Variants in TTC28 observed in about 807,000 individuals in gnomAD.
TTC28 encodes the protein tetratricopeptide repeat protein 28.
TTC28 carries 61 observed loss-of-function variants against 198.0 expected under a neutral mutation model. The ratio of observed to expected loss-of-function variants is 0.31; its 90% confidence interval spans 0.25 to 0.38. The LOEUF is 0.38. Ranked by LOEUF, TTC28 falls within the 10% of genes least tolerant of loss-of-function variation. TTC28 has a pLI of 1.00. For missense variants in TTC28, 2,678 were observed against 3,164.0 expected, an observed-to-expected ratio of 0.85 and a Z score of 3.69; for synonymous variants, 1,171 against 1,297.8, an observed-to-expected ratio of 0.90 and a Z score of 2.10.
At chr22:28,315,392 C>G (rs1331069301) in intron 2 of TTC28, among the ~76,000 whole-genome samples, 1 of 152,024 alleles carries the variant, frequency 6.6e-6, no homozygotes, top group Admixed American at 6.6e-5. Context: ...GGGACAGGCC[C>G]TTGGAGCTAT....
chr22:28,456,161 A>G (rs939777022), intron 2 of TTC28, among the ~76,000 whole-genome samples: 33 of 117,464 alleles, frequency 2.8e-4, no homozygotes, highest in African/African-American at 9.0e-4. Flanking sequence ...TCTGTCTCAG[A>G]AAAAAAAAAA....
chr22:28,242,688 T>A (rs1569217152), intron 5 of TTC28, among the ~76,000 whole-genome samples: 1 of 152,180 alleles, frequency 6.6e-6, no homozygotes. Context: ...TATGTATATA[T>A]CTTTGTTATA....
chr22:28,333,963 T>C (rs1367578986), intron 2 of TTC28, among the ~76,000 whole-genome samples: 1 of 151,976 alleles, frequency 6.6e-6, no homozygotes, highest in East Asian at 1.9e-4. Flanking sequence ...AACTCTTCAT[T>C]TAATATTAGG....
chr22:28,331,688 G>C (rs1017182678), intron 2 of TTC28, among the ~76,000 whole-genome samples: 4 of 151,960 alleles, frequency 2.6e-5, no homozygotes, highest in African/African-American at 9.7e-5. Flanking sequence ...ATTAAACTCA[G>C]TGTCTTTCAA....
At chr22:28,150,961 T>C (rs1328615919) in intron 6 of TTC28, among the ~76,000 whole-genome samples, 1 of 152,220 alleles carries the variant, frequency 6.6e-6, no homozygotes, top group Non-Finnish European at 1.5e-5. Context: ...TCCAAAGTGA[T>C]CACTCAAATA....
At position 28,106,190 on chromosome 22, in the gene TTC28, C is replaced by T. The variant is rs1369387341; in HGVS notation, c.2784-388G>A. On this transcript the variant is annotated intron_variant, in intron 7 of 22. Coordinates refer to ENST00000397906, the MANE Select transcript of TTC28 (RefSeq NM_001145418.2). ...GTGGCTATAAATCTTTCACCCTGAG[C>T]TTCTCAGAGCACTCTGTGGGTGAAG... Among the ~76,000 whole-genome samples, 3 of 152,202 alleles carry T rather than the reference C, an allele frequency of 2.0e-5. No individual in the cohort carries two copies. In the East Asian group the frequency reaches 5.8e-4, roughly 29 times the overall value.
At chr22:28,083,888 C>G (rs1431888104) in intron 12 of TTC28, among the ~76,000 whole-genome samples, 1 of 152,248 alleles carries the variant, frequency 6.6e-6, no homozygotes, top group East Asian at 1.9e-4. Context: ...TCAGAGGGTC[C>G]TACGCCCACG....
At chr22:28,083,947 G>T (rs181049601) in intron 12 of TTC28, among the ~76,000 whole-genome samples, 1 of 152,242 alleles carries the variant, frequency 6.6e-6, no homozygotes, top group Non-Finnish European at 1.5e-5. Context: ...ACTGCAAGGC[G>T]GAAGCGAGGC....
Position 28,105,702 on chromosome 22 carries a change from C to G in TTC28, c.2884G>C (p.Glu962Gln), listed in dbSNP as rs1942276074. The G allele has an allele frequency of 1.3e-6, 2 of 1,551,710 alleles. No homozygotes were observed. The highest frequency in any genetic ancestry group is 3.9e-5 in the Admixed American group (2 of 50,984). ...EAFNKAQAYG[E>Q]LGSLHSQLGN... ...AATTGGCTGTGCAGACTTCCCAGCT[C>G]TCCATAGGCCTGGGCTTTATTGAAG... Residue 962 changes from glutamate to glutamine, a missense_variant, in exon 8 of 23, where the codon GAG becomes CAG. This residue lies in a region of TTC28 where 727 missense variants were observed against 861.9 expected (regional missense o/e 0.84). Transcript: ENST00000397906.
intron 2 of TTC28, among the ~76,000 whole-genome samples, chr22:28,528,274 T>C (rs1482533367): frequency 6.6e-6 from 1 of 152,188 alleles, no homozygotes; most frequent in African/African-American, 2.4e-5. Flanking sequence ...TGATGTAATA[T>C]ATATGACAGT....
At chr22:28,139,018 G>T (rs528087562) in intron 6 of TTC28, among the ~76,000 whole-genome samples, 13 of 151,716 alleles carry the variant, frequency 8.6e-5, no homozygotes, top group African/African-American at 3.1e-4. Flanking sequence ...ATTGTATCTT[G>T]ATTTCTGAGG....
At chr22:28,192,464 G>A (rs1376569625) in intron 5 of TTC28, among the ~76,000 whole-genome samples, 1 of 152,222 alleles carries the variant, frequency 6.6e-6, no homozygotes, top group Non-Finnish European at 1.5e-5. Context: ...GTTGAGAGAA[G>A]AAGTTTTCAC....
intron 2 of TTC28, among the ~76,000 whole-genome samples, chr22:28,533,694 G>A (rs373928110): frequency 4.6e-5 from 7 of 152,062 alleles, no homozygotes; most frequent in South Asian, 2.1e-4. Flanking sequence ...ACAGCATGGT[G>A]CTGGTACCAA....
intron 2 of TTC28, among the ~76,000 whole-genome samples, chr22:28,415,532 G>A (rs940823422): frequency 2.0e-5 from 3 of 152,134 alleles, no homozygotes; most frequent in African/African-American, 7.2e-5. Flanking sequence ...GATTTGAAAC[G>A]TCCTTTTAGA....
At chr22:28,371,889 A>T (rs1402968673) in intron 2 of TTC28, among the ~76,000 whole-genome samples, 1 of 150,922 alleles carries the variant, frequency 6.6e-6, no homozygotes, top group African/African-American at 2.4e-5. Flanking sequence ...CCCAAAAAAA[A>T]AAAAAATTTT....
chr22:28,137,332 T>C (rs1943222341), intron 6 of TTC28, among the ~76,000 whole-genome samples: 2 of 152,112 alleles, frequency 1.3e-5, no homozygotes, highest in Non-Finnish European at 2.9e-5. Context: ...CACAGGAAAT[T>C]CATGCATCCA....
At chr22:28,406,171 A>G (rs936267355) in intron 2 of TTC28, among the ~76,000 whole-genome samples, 1 of 152,246 alleles carries the variant, frequency 6.6e-6, no homozygotes, top group Non-Finnish European at 1.5e-5. Context: ...AAATGAAAAT[A>G]TAAGGAAAAA....
intron 6 of TTC28, among the ~76,000 whole-genome samples, chr22:28,124,576 C>A (rs1942871068): frequency 1.3e-5 from 2 of 152,168 alleles, no homozygotes; most frequent in South Asian, 2.1e-4. Flanking sequence ...GTAGGTCACA[C>A]ATCTAGAAAG....
intron 6 of TTC28, among the ~76,000 whole-genome samples, chr22:28,149,846 G>A (rs1302798058): frequency 6.6e-6 from 1 of 152,198 alleles, no homozygotes; most frequent in Non-Finnish European, 1.5e-5. Flanking sequence ...CATGGTGACT[G>A]TAGTTAATAA....
Sources: allele counts gnomAD v4.1 joint callset (sites outside exome capture counted in the v4.1 genomes callset), GRCh38; gene constraint gnomAD v4.1.1; regional missense constraint gnomAD v4.1.1; transcripts MANE v1.5; gene names NCBI Gene and HGNC (gene_info 2026-07-23, HGNC 2026-07-21).